Variants in ZCCHC18 observed in about 807,000 individuals in gnomAD.
The protein encoded by ZCCHC18 is zinc finger CCHC-type containing 18, also known as zinc finger CCHC domain-containing protein 18.
For synonymous variants in ZCCHC18, 112 were observed against 115.7 expected, an observed-to-expected ratio of 0.97 and a Z score of 0.21; for missense variants, 292 against 305.1, an observed-to-expected ratio of 0.96 and a Z score of 0.32.
At position 104,115,096 on chromosome X, in the gene ZCCHC18, T is replaced by C. The variant is rs781818929; in HGVS notation, c.985T>C (p.Tyr329His). 36 of 1,198,716 alleles carry C rather than the reference T, an allele frequency of 3.0e-5. No individual in the cohort carries two copies. Among genetic ancestry groups the C allele is most frequent in the Non-Finnish European group, 3.9e-5 (35 of 889,279 alleles). ...TCTTTCTACCAGTGGTGGTTCTGGGTATAAGAATGATGGTCCTGGGAATAT... is the reference window on the plus strand; with the variant it reads ...TCTTTCTACCAGTGGTGGTTCTGGGCATAAGAATGATGGTCCTGGGAATAT... ...QSLSTSGGSG[Y>H]KNDGPGNIRR... Residue 329 changes from tyrosine to histidine, a missense_variant, in exon 3 of 3, where the codon TAT becomes CAT. Transcript: ENST00000650639.
In ZCCHC18 at chrX:104,113,189, T is replaced by C. The variant is rs1404060597; in HGVS notation, c.-730-6T>C. On this transcript the variant is annotated splice_polypyrimidine_tract_variant and splice_region_variant and intron_variant, in intron 1 of 2. Coordinates refer to ENST00000650639, the MANE Select transcript of ZCCHC18 (RefSeq NM_001143978.3). The stretch of plus-strand genomic sequence containing the variant: ...ATCCAACTTCTAGTCTCTTTCTCCC[T>C]GGCAGGTCATCAAAGCCGAATCCGA... The C allele has an allele frequency of 9.0e-6, 1 of 111,337 alleles. No homozygotes were observed. The highest frequency in any genetic ancestry group is 3.3e-5 in the African/African-American group (1 of 30,540). 9.2% of individuals were successfully genotyped at this position (111,337 alleles called of 1,213,427 possible). A position where few individuals can be genotyped will look rare whatever the true frequency, so the allele number is the denominator to read the frequency against.
At position 104,114,243 on chromosome X, in the gene ZCCHC18, C is replaced by T; in HGVS notation, c.132C>T (p.Asn44=). The T allele has an allele frequency of 8.3e-7, 1 of 1,208,902 alleles. No homozygotes were observed. Among genetic ancestry groups the T allele is most frequent in the Non-Finnish European group, 1.1e-6 (1 of 894,060 alleles). Residue 44 remains asparagine, a synonymous_variant, in exon 3 of 3, where the codon AAC becomes AAT. Coordinates refer to ENST00000650639, the MANE Select transcript of ZCCHC18 (RefSeq NM_001143978.3). The stretch of plus-strand genomic sequence containing the variant: ...TAGTGGTCAAAATGGCAGAGAGAAA[C>T]ATGAAGTTGTTCTCAGGAAGAGTGG... ...CPLVVKMAER[N]MKLFSGRVVP... is the part of the protein sequence containing the mutation.
In ZCCHC18 at chrX:104,115,564, T is replaced by C. The variant is rs1011850714; in HGVS notation, c.*241T>C. 3 of 305,077 alleles carry C rather than the reference T, an allele frequency of 9.8e-6. No homozygotes were observed. Among genetic ancestry groups the C allele is most frequent in the African/African-American group, 2.7e-5 (1 of 36,610 alleles). 25.1% of individuals were successfully genotyped at this position (305,077 alleles called of 1,213,427 possible). Reference sequence around the variant, plus strand: ...CATGTGTCTATTTCTTTGATGACTTTATACTTTTTATGAAAGGAGCATCTT... The same window carrying C: ...CATGTGTCTATTTCTTTGATGACTTCATACTTTTTATGAAAGGAGCATCTT... On this transcript the variant is annotated 3_prime_UTR_variant, in exon 3 of 3. Coordinates refer to ENST00000650639, the MANE Select transcript of ZCCHC18 (RefSeq NM_001143978.3).
chrX:104,115,186 A>G lies in ZCCHC18; in HGVS notation c.1075A>G (p.Lys359Glu). 2 of 1,210,085 alleles carry G rather than the reference A, an allele frequency of 1.7e-6. No homozygotes were observed. The highest frequency in any genetic ancestry group is 2.2e-6 in the Non-Finnish European group (2 of 894,539). ...ATATTGTGGGGAGGAGGGCCACTCAAAAGAAACCTGTGACAATGAGAGCAA... is the reference window on the plus strand; with the variant it reads ...ATATTGTGGGGAGGAGGGCCACTCAGAAGAAACCTGTGACAATGAGAGCAA... ...CSYCGEEGHS[K>E]ETCDNESNKA... The change falls in exon 3 of 3, where the codon AAA (lysine) becomes GAA (glutamate). Residue 359 changes from lysine (K) to glutamate (E), a missense_variant. Physicochemically the swap from Lys to Glu is moderately conservative, Grantham distance 56. Transcript: ENST00000650639.
Position 104,113,879 on chromosome X carries a change from A to G in ZCCHC18, c.-233A>G, listed in dbSNP as rs1289387500. 9.1e-6 allele frequency: 4 copies of G among 441,445 alleles called. No individual in the cohort carries two copies. Among genetic ancestry groups the G allele is most frequent in the Non-Finnish European group, 1.5e-5 (4 of 265,862 alleles). The allele number at this position is 441,445 out of a possible 1,213,427, so 36.4% of individuals were successfully genotyped here. Reference sequence around the variant, plus strand: ...GTCTCCTGCAGGGTATTGTTAAGGCACTGGGCAGATATAAAATGCACTGCA... The same window carrying G: ...GTCTCCTGCAGGGTATTGTTAAGGCGCTGGGCAGATATAAAATGCACTGCA... On this transcript the variant is annotated 5_prime_UTR_variant, in exon 3 of 3. Transcript: ENST00000650639.
Position 104,115,358 on chromosome X carries a change from T to C in ZCCHC18, c.*35T>C. 2 of 1,093,963 alleles carry C rather than the reference T, an allele frequency of 1.8e-6. No homozygotes were observed. The highest frequency in any genetic ancestry group is 2.4e-6 in the Non-Finnish European group (2 of 827,315). The allele number at this position is 1,093,963 out of a possible 1,213,427, so 90.2% of individuals were successfully genotyped here. A position where few individuals can be genotyped will look rare whatever the true frequency, so the allele number is the denominator to read the frequency against. ...CCAGCCCTAAATGAGTCCTTGACTG[T>C]ATTCAGAGTCTGGTAATGGGAATAA... On this transcript the variant is annotated 3_prime_UTR_variant, in exon 3 of 3. Coordinates refer to ENST00000650639, the MANE Select transcript of ZCCHC18 (RefSeq NM_001143978.3).
rs1246980727 is a variant in ZCCHC18, at chrX:104,113,466, C to G, written c.-646C>G. 1.8e-5 allele frequency: 2 copies of G among 111,181 alleles called. No individual in the cohort carries two copies. The highest frequency in any genetic ancestry group is 6.6e-5 in the African/African-American group (2 of 30,340). The allele number at this position is 111,181 out of a possible 1,213,427, so 9.2% of individuals were successfully genotyped here. A position where few individuals can be genotyped will look rare whatever the true frequency, so the allele number is the denominator to read the frequency against. On this transcript the variant is annotated 5_prime_UTR_variant, in exon 3 of 3. Transcript: ENST00000650639. ...GCCCTGAGGACTGGGATCTGCGACA[C>G]CCAGTGGACAAAAGTCGGCCGTACC... is the stretch of plus-strand genomic sequence containing the variant.
chrX:104,114,075 C>T lies in ZCCHC18; in HGVS notation c.-37C>T, dbSNP rs1208147789. Reference sequence around the variant, plus strand: ...ATAAGGCTTTTCCAAAAAGCGCGAGCATCTTGTTGTATTCAGATACCCTAT... The same window carrying T: ...ATAAGGCTTTTCCAAAAAGCGCGAGTATCTTGTTGTATTCAGATACCCTAT... On this transcript the variant is annotated 5_prime_UTR_variant, in exon 3 of 3. Coordinates refer to ENST00000650639, the MANE Select transcript of ZCCHC18 (RefSeq NM_001143978.3). The T allele has an allele frequency of 9.1e-6, 11 of 1,208,991 alleles. No homozygotes were observed. The highest frequency in any genetic ancestry group is 1.2e-5 in the Non-Finnish European group (11 of 894,788).
In ZCCHC18 at chrX:104,113,435, C is replaced by T. The variant is rs2075359517; in HGVS notation, c.-677C>T. On this transcript the variant is annotated splice_region_variant and 5_prime_UTR_variant, in exon 3 of 3. Coordinates refer to ENST00000650639, the MANE Select transcript of ZCCHC18 (RefSeq NM_001143978.3). ...TCCTTTCCCTCCTTCGCGGCACAGT[C>T]TTGAGGCCCTGAGGACTGGGATCTG... 1 of 110,943 alleles carries T rather than the reference C, an allele frequency of 9.0e-6. No individual in the cohort carries two copies. The highest frequency in any genetic ancestry group is 3.3e-5 in the African/African-American group (1 of 30,308). 9.1% of individuals were successfully genotyped at this position (110,943 alleles called of 1,213,427 possible). A position where few individuals can be genotyped will look rare whatever the true frequency, so the allele number is the denominator to read the frequency against.
At position 104,114,851 on chromosome X, in the gene ZCCHC18, C is replaced by T. The variant is rs1267401816; in HGVS notation, c.740C>T (p.Ala247Val). 1 of 1,206,788 alleles carries T rather than the reference C, an allele frequency of 8.3e-7. No homozygotes were observed. Among genetic ancestry groups the T allele is most frequent in the Non-Finnish European group, 1.1e-6 (1 of 893,468 alleles). The change falls in exon 3 of 3, where the codon GCA (alanine) becomes GTA (valine). Residue 247 changes from alanine (A) to valine (V), a missense_variant. Coordinates refer to ENST00000650639, the MANE Select transcript of ZCCHC18 (RefSeq NM_001143978.3). ...PIMERAASPV[A>V]FQGAQPIAIS... ...ATGGAGAGGGCAGCCAGCCCTGTGG[C>T]ATTTCAGGGCGCCCAGCCAATAGCA...
rs782482682 is a variant in ZCCHC18, at chrX:104,115,023, G to A, written c.912G>A (p.Leu304=). The A allele has an allele frequency of 8.4e-7, 1 of 1,192,701 alleles. No homozygotes were observed. The highest frequency in any genetic ancestry group is 3.0e-5 in the East Asian group (1 of 32,860). ...APPFRGRARP[L]DQVLVIDSPN... is the part of the protein sequence containing the mutation. ...CCTTCAGAGGAAGAGCCAGACCTCT[G>A]GATCAAGTGCTGGTTATTGATTCCC... Residue 304 remains leucine (L), a synonymous_variant, in exon 3 of 3, where the codon CTG becomes CTA. Transcript: ENST00000650639.
rs181867440 is a variant in ZCCHC18, at chrX:104,115,528, G to A, written c.*205G>A. On this transcript the variant is annotated 3_prime_UTR_variant, in exon 3 of 3. Coordinates refer to ENST00000650639, the MANE Select transcript of ZCCHC18 (RefSeq NM_001143978.3). The stretch of plus-strand genomic sequence containing the variant: ...CTGCTCTCTTCTCTGCTGGCTTAAG[G>A]GTCTATTCTCCATGTGTCTATTTCT... 95 of 373,717 alleles carry A rather than the reference G, an allele frequency of 2.5e-4. No homozygotes were observed. Among genetic ancestry groups the A allele is most frequent in the Middle Eastern group, 2.2e-3 (3 of 1,375 alleles). 30.8% of individuals were successfully genotyped at this position (373,717 alleles called of 1,213,427 possible).
chrX:104,112,704 G>T lies in ZCCHC18; in HGVS notation c.-1028G>T, dbSNP rs1240204549. The T allele has an allele frequency of 1.8e-5, 2 of 113,419 alleles. No individual in the cohort carries two copies. Among genetic ancestry groups the T allele is most frequent in the African/African-American group, 6.4e-5 (2 of 31,264 alleles). 9.3% of individuals were successfully genotyped at this position (113,419 alleles called of 1,213,427 possible). Reference sequence around the variant, plus strand: ...CCCCGGGTCGCTTAGCGGCCGAGGAGGCGGCAGAGATCCCGTTCCCCTGCA... The same window carrying T: ...CCCCGGGTCGCTTAGCGGCCGAGGATGCGGCAGAGATCCCGTTCCCCTGCA... On this transcript the variant is annotated 5_prime_UTR_variant, in exon 1 of 3. The change creates a new upstream start codon in the 5' untranslated region. Coordinates refer to ENST00000650639, the MANE Select transcript of ZCCHC18 (RefSeq NM_001143978.3).
chrX:104,113,689 TC>T lies in ZCCHC18; in HGVS notation c.-421del. 7.6e-6 allele frequency: 1 copy of T among 131,943 alleles called. No homozygotes were observed. The highest frequency in any genetic ancestry group is 3.2e-5 in the African/African-American group (1 of 30,942). The allele number at this position is 131,943 out of a possible 1,213,427, so 10.9% of individuals were successfully genotyped here. On this transcript the variant is annotated 5_prime_UTR_variant, in exon 3 of 3. Coordinates refer to ENST00000650639, the MANE Select transcript of ZCCHC18 (RefSeq NM_001143978.3). Reference sequence around the variant, plus strand: ...AATCTGTGACACACAACCATTGAGTTCCGTTTTGAGGGCCCAGTATCAGCTC... The same window carrying T: ...AATCTGTGACACACAACCATTGAGTTCGTTTTGAGGGCCCAGTATCAGCTC...
rs1556360169 is a variant in ZCCHC18, at chrX:104,114,070, G to A, written c.-42G>A. The A allele has an allele frequency of 2.5e-6, 3 of 1,208,418 alleles. No individual in the cohort carries two copies. The highest frequency in any genetic ancestry group is 3.0e-5 in the East Asian group (1 of 33,738). Reference sequence around the variant, plus strand: ...TGCAGATAAGGCTTTTCCAAAAAGCGCGAGCATCTTGTTGTATTCAGATAC... The same window carrying A: ...TGCAGATAAGGCTTTTCCAAAAAGCACGAGCATCTTGTTGTATTCAGATAC... On this transcript the variant is annotated 5_prime_UTR_variant, in exon 3 of 3. Coordinates refer to ENST00000650639, the MANE Select transcript of ZCCHC18 (RefSeq NM_001143978.3).
At position 104,115,035 on chromosome X, in the gene ZCCHC18, G is replaced by A. The variant is rs782270361; in HGVS notation, c.924G>A (p.Leu308=). The A allele has an allele frequency of 4.7e-5, 56 of 1,193,568 alleles. No individual in the cohort carries two copies. Among genetic ancestry groups the A allele is most frequent in the Non-Finnish European group, 5.8e-5 (51 of 886,585 alleles). Residue 308 remains leucine (L), a synonymous_variant, in exon 3 of 3, where the codon CTG becomes CTA. Transcript: ENST00000650639. ...GAGCCAGACCTCTGGATCAAGTGCTGGTTATTGATTCCCCCAACAATTCTG... is the reference window on the plus strand; with the variant it reads ...GAGCCAGACCTCTGGATCAAGTGCTAGTTATTGATTCCCCCAACAATTCTG... The part of the protein sequence containing the change: ...RGRARPLDQV[L]VIDSPNNSGA...
rs1015663585 is a variant in ZCCHC18, at chrX:104,114,022, A to G, written c.-90A>G. ...CTGAAATATAAGGCAGGCACAGCCC[A>G]GGAACGTTGCTTTGGAGAATCCTGC... On this transcript the variant is annotated 5_prime_UTR_variant, in exon 3 of 3. Coordinates refer to ENST00000650639, the MANE Select transcript of ZCCHC18 (RefSeq NM_001143978.3). 72 of 1,182,843 alleles carry G rather than the reference A, an allele frequency of 6.1e-5. 1 individual carries two copies. The highest frequency in any genetic ancestry group is 1.4e-4 in the Admixed American group (6 of 42,126).
chrX:104,114,337 A>G lies in ZCCHC18; in HGVS notation c.226A>G (p.Ser76Gly), dbSNP rs1556360378. 8.3e-7 allele frequency: 1 copy of G among 1,209,516 alleles called. No homozygotes were observed. The highest frequency in any genetic ancestry group is 1.8e-5 in the African/African-American group (1 of 56,971). ...IQVNEVLPDW[S>G]MSEEEKLKRL... is the part of the protein sequence containing the mutation. ...AGTCAATGAGGTCCTGCCAGATTGG[A>G]GTATGTCTGAGGAGGAAAAACTCAA... is the stretch of plus-strand genomic sequence containing the variant. The change falls in exon 3 of 3, where the codon AGT (serine) becomes GGT (glycine). Residue 76 changes from serine to glycine, a missense_variant. Transcript: ENST00000650639.
chrX:104,114,849 G>A lies in ZCCHC18; in HGVS notation c.738G>A (p.Val246=). The change falls in exon 3 of 3, where the codon GTG becomes GTA. Residue 246 remains valine (V), a synonymous_variant. Coordinates refer to ENST00000650639, the MANE Select transcript of ZCCHC18 (RefSeq NM_001143978.3). ...EPIMERAASP[V]AFQGAQPIAI... ...TAATGGAGAGGGCAGCCAGCCCTGT[G>A]GCATTTCAGGGCGCCCAGCCAATAG... 8.3e-7 allele frequency: 1 copy of A among 1,208,205 alleles called. No homozygotes were observed. The highest frequency in any genetic ancestry group is 1.1e-6 in the Non-Finnish European group (1 of 893,629).
Sources: gnomAD v4.1 joint callset for allele counts on GRCh38, gnomAD v4.1.1 for gene constraint, MANE v1.5 for transcripts, NCBI Gene and HGNC (gene_info 2026-07-23, HGNC 2026-07-21) for gene names.